The following ANKS1B variants were observed in gnomAD, a reference collection of about 807,000 sequenced individuals.
ANKS1B encodes the protein ankyrin repeat and sterile alpha motif domain containing 1B.
Under a neutral mutation model 148.3 loss-of-function variants are expected in ANKS1B, and 36 were observed. The ratio of observed to expected loss-of-function variants is 0.24; its 90% CI spans 0.19 to 0.32. The LOEUF is 0.32. ANKS1B is among the 10% of genes least tolerant of loss of function. ANKS1B has a pLI of 1.00. For missense variants in ANKS1B, 1,157 were observed against 1,542.6 expected (o/e 0.75, Z 4.19); for synonymous variants, 542 against 560.8 (o/e 0.97, Z 0.47).
intron 17 of ANKS1B, among the ~76,000 whole-genome samples, chr12:98,856,301 T>C (rs1362778145): frequency 6.6e-6 from 1 of 152,180 alleles, no homozygotes; most frequent in East Asian, 1.9e-4. Context: ...CCCATTCTCC[T>C]TATTTTTGAA....
intron 17 of ANKS1B, among the ~76,000 whole-genome samples, chr12:99,022,849 A>C (rs1405070548): frequency 6.6e-6 from 1 of 152,018 alleles, no homozygotes; most frequent in Non-Finnish European, 1.5e-5. Flanking sequence ...ACCATTCCTT[A>C]AGTAGGTTTT....
At chr12:99,145,092 A>C (rs1293863785) in intron 15 of ANKS1B, among the ~76,000 whole-genome samples, 1 of 152,088 alleles carries the variant, frequency 6.6e-6, no homozygotes, top group Non-Finnish European at 1.5e-5. Context: ...AGAAGCAGAT[A>C]CTTCAGTCCC....
intron 1 of ANKS1B, among the ~76,000 whole-genome samples, chr12:99,826,774 C>A (rs1400335922): frequency 6.6e-6 from 1 of 151,812 alleles, no homozygotes; most frequent in African/African-American, 2.4e-5. Flanking sequence ...TCATATGAAA[C>A]CATAAAAGAC....
intron 1 of ANKS1B, among the ~76,000 whole-genome samples, chr12:99,876,798 A>G (rs2092108580): frequency 6.6e-6 from 1 of 152,000 alleles, no homozygotes; most frequent in African/African-American, 2.4e-5. Context: ...GGAAAAGTAT[A>G]AGTATAAAAA....
intron 12 of ANKS1B, among the ~76,000 whole-genome samples, chr12:99,297,888 C>T (rs2081102689): frequency 6.6e-6 from 1 of 152,078 alleles, no homozygotes; most frequent in Admixed American, 6.6e-5. Context: ...AACCAAGTTT[C>T]CCTGTGGCTT....
intron 1 of ANKS1B, among the ~76,000 whole-genome samples, chr12:99,880,133 A>C (rs1035445283): frequency 2.6e-5 from 4 of 152,240 alleles, no homozygotes; most frequent in Non-Finnish European, 5.9e-5. Flanking sequence ...TGCCTGGCAC[A>C]CAAGTATTCA....
At chr12:99,556,485 C>T (rs372908607) in intron 9 of ANKS1B, among the ~76,000 whole-genome samples, 6 of 152,148 alleles carry the variant, frequency 3.9e-5, no homozygotes, top group African/African-American at 1.4e-4. Flanking sequence ...CTTCTGCTAA[C>T]ATTGGAATTA....
At chr12:99,692,789 A>G (rs2153506095) in intron 8 of ANKS1B, among the ~76,000 whole-genome samples, 1 of 152,152 alleles carries the variant, frequency 6.6e-6, no homozygotes, top group Non-Finnish European at 1.5e-5. Context: ...CTATGGGAGG[A>G]ACCAGTTGGA....
intron 8 of ANKS1B, among the ~76,000 whole-genome samples, chr12:99,705,741 G>A (rs967779140): frequency 2.6e-5 from 4 of 152,080 alleles, no homozygotes; most frequent in Non-Finnish European, 5.9e-5. Flanking sequence ...TGATGGAGAA[G>A]AATTGCAAGG....
intron 17 of ANKS1B, among the ~76,000 whole-genome samples, chr12:98,942,133 C>T (rs187304179): frequency 1.2e-4 from 18 of 150,870 alleles, no homozygotes; most frequent in African/African-American, 3.7e-4. Flanking sequence ...CCCAGCTACT[C>T]GGAAGGCTGA....
At chr12:98,848,743 G>GTTTTTATTTTTTTTTT (rs2099500416) in intron 17 of ANKS1B, among the ~76,000 whole-genome samples, 1 of 48,090 alleles carries the variant, frequency 2.1e-5, no homozygotes, top group Non-Finnish European at 3.5e-5. Flanking sequence ...TGTATGTGTG[G>GTTTTTATTTTTTTTTT]TTTTTTTTTT....
chr12:99,192,180 A>G (rs1318552085), intron 14 of ANKS1B, among the ~76,000 whole-genome samples: 5 of 149,692 alleles, frequency 3.3e-5, no homozygotes, highest in Non-Finnish European at 7.4e-5. Context: ...ATCATAACAG[A>G]GGTAGGTGTT....
rs1017754537 is a variant in ANKS1B, at chr12:98,754,544, T to C, written c.3580-3022A>G. 2.0e-5 allele frequency among the ~76,000 whole-genome samples: 3 copies of C among 152,216 alleles called. No individual in the cohort carries two copies. In the East Asian group the frequency reaches 5.8e-4, roughly 29 times the overall value. The stretch of plus-strand genomic sequence containing the variant: ...GATATTCCTGTTCTGGGTGGGAAAC[T>C]AGACTAAGATGAAGGTGTGAGATTC... On this transcript the variant is annotated intron_variant, in intron 25 of 26. Transcript: ENST00000683438.
chr12:99,713,097 G>A (rs182983024), intron 8 of ANKS1B, among the ~76,000 whole-genome samples: 92 of 152,260 alleles, frequency 6.0e-4, no homozygotes, highest in Non-Finnish European at 1.6e-4. Context: ...ATGTTACAGG[G>A]AGTAAATCCA....
intron 12 of ANKS1B, among the ~76,000 whole-genome samples, chr12:99,366,241 C>T (rs556264786): frequency 2.8e-4 from 43 of 152,166 alleles, no homozygotes; most frequent in Non-Finnish European, 5.3e-4. Context: ...GGAAGTATCT[C>T]CATTGATGAC....
At chr12:99,611,071 C>T (rs183919183) in intron 9 of ANKS1B, among the ~76,000 whole-genome samples, 42 of 152,200 alleles carry the variant, frequency 2.8e-4, no homozygotes, top group Non-Finnish European at 4.7e-4. Context: ...ATCTAGTCCA[C>T]AAAGTCCAGC....
rs577566351 is a variant in ANKS1B, at chr12:99,093,347, C to T, written c.2527-8324G>A. 8.8e-4 allele frequency: 134 copies of T among 152,352 alleles called. 1 individual carries two copies. The highest frequency in any genetic ancestry group is 3.1e-3 in the African/African-American group (129 of 41,570). 9.4% of individuals were successfully genotyped at this position (152,352 alleles called of 1,614,324 possible). A position where few individuals can be genotyped will look rare whatever the true frequency, so the allele number is the denominator to read the frequency against. ...AAGCACTAACTAACTTGCCATGTTT[C>T]CTGCTGTGAGGCAGGAAGTATCAGC... On this transcript the variant is annotated intron_variant, in intron 15 of 26. Transcript: ENST00000683438.
chr12:98,741,009 T>C (rs551311378), downstream of ANKS1B, among the ~76,000 whole-genome samples: 1 of 152,320 alleles, frequency 6.6e-6, no homozygotes, highest in East Asian at 1.9e-4. Context: ...TAGAAGGATC[T>C]TGAGATTTCA....
At chr12:99,131,614 C>T (rs1317597553) in intron 15 of ANKS1B, among the ~76,000 whole-genome samples, 2 of 152,244 alleles carry the variant, frequency 1.3e-5, no homozygotes, top group South Asian at 2.1e-4. Flanking sequence ...AGATACAGGC[C>T]ATTTCTCCCT....
Sources: gnomAD v4.1 joint callset for allele counts (sites outside exome capture counted in the v4.1 genomes callset) on GRCh38, gnomAD v4.1.1 for gene constraint, MANE v1.5 for transcripts, NCBI Gene and HGNC (gene_info 2026-07-23, HGNC 2026-07-21) for gene names.